Variants in EFCAB5 observed in about 807,000 individuals in gnomAD.
EFCAB5 encodes the protein EF-hand calcium binding domain 5.
A neutral mutation model predicts 167.9 loss-of-function variants in EFCAB5; 131 were observed. The observed-to-expected ratio is 0.78, with a 90% CI of 0.68 to 0.90. The LOEUF is 0.90. Ranked by LOEUF, EFCAB5 falls within the 40% of genes least tolerant of loss-of-function variation. EFCAB5 has a pLI of 0.00. For missense variants in EFCAB5, 1,663 were observed against 1,745.2 expected (o/e 0.95, Z 0.84); for synonymous variants, 574 against 602.8 (o/e 0.95, Z 0.70).
chr17:30,037,226 C>G (rs2069652222), intron 8 of EFCAB5, among the ~76,000 whole-genome samples: 1 of 152,088 alleles, frequency 6.6e-6, no homozygotes. Context: ...CTCCTGTGGC[C>G]AGAGGAAAGA....
chr17:29,968,390 G>C, intron 3 of EFCAB5: 2 of 446,990 alleles, frequency 4.5e-6, no homozygotes, highest in Non-Finnish European at 8.9e-6. Flanking sequence ...AAGTCTTAGA[G>C]TGGGGAGTCT....
intron 7 of EFCAB5, among the ~76,000 whole-genome samples, chr17:30,031,191 C>G (rs190735110): frequency 6.6e-6 from 1 of 152,218 alleles, no homozygotes; most frequent in Admixed American, 6.5e-5. Context: ...ACCAGATACC[C>G]CAGATCATGT....
intron 3 of EFCAB5, among the ~76,000 whole-genome samples, chr17:29,955,757 C>A (rs560528591): frequency 6.6e-6 from 1 of 151,614 alleles, no homozygotes; most frequent in Non-Finnish European, 1.5e-5. Flanking sequence ...TTTATAGATT[C>A]AATAAAATTC....
Position 30,107,916 on chromosome 17 carries a change from C to A in EFCAB5, c.4404C>A (p.Leu1468=). Residue 1468 remains leucine (L), a synonymous_variant, in exon 23 of 23, where the codon CTC becomes CTA. Coordinates refer to ENST00000394835, the MANE Select transcript of EFCAB5 (RefSeq NM_198529.4). ...LYHWIHICSA[L]MKITKQLNSG... Reference sequence around the variant, plus strand: ...ACTGGATACACATCTGTTCAGCTCTCATGAAGATAACCAAACAACTAAATA... The same window carrying A: ...ACTGGATACACATCTGTTCAGCTCTAATGAAGATAACCAAACAACTAAATA... 6.2e-7 allele frequency: 1 copy of A among 1,611,778 alleles called. No individual in the cohort carries two copies. The highest frequency in any genetic ancestry group is 1.1e-5 in the South Asian group (1 of 90,580).
chr17:29,991,047 C>T (rs2068404498), intron 4 of EFCAB5, among the ~76,000 whole-genome samples: 1 of 152,172 alleles, frequency 6.6e-6, no homozygotes, highest in Admixed American at 6.5e-5. Context: ...TTCCTTCCTC[C>T]TCATTATCAG....
chr17:30,017,523 G>A (rs2069075675), intron 7 of EFCAB5, among the ~76,000 whole-genome samples: 1 of 152,012 alleles, frequency 6.6e-6, no homozygotes, highest in Admixed American at 6.6e-5. Context: ...AAATATAATT[G>A]TACTTGACTC....
At chr17:29,989,456 C>T (rs531807124) in intron 4 of EFCAB5, among the ~76,000 whole-genome samples, 2 of 152,232 alleles carry the variant, frequency 1.3e-5, no homozygotes, top group South Asian at 2.1e-4. Context: ...CTTAGCAGGC[C>T]GCAGGTTGTT....
chr17:29,996,429 A>G (rs529751393), intron 6 of EFCAB5, 69 bp downstream of exon 6: 10 of 1,307,532 alleles, frequency 7.6e-6, no homozygotes, highest in Non-Finnish European at 1.1e-5. Context: ...CTGAATTCAG[A>G]TGAAGAGTCA....
At chr17:29,993,679 T>C (rs1287501487) in intron 5 of EFCAB5, among the ~76,000 whole-genome samples, 1 of 152,202 alleles carries the variant, frequency 6.6e-6, no homozygotes, top group East Asian at 1.9e-4. Context: ...AACTGTACTC[T>C]GAGAGTTAAA....
chr17:30,097,689 C>T (rs73987684), intron 22 of EFCAB5, among the ~76,000 whole-genome samples: 4,126 of 152,254 alleles, frequency 0.027, 168 homozygotes, highest in African/African-American at 0.094. Context: ...CATGATTTTG[C>T]CTATGCAAAT....
At chr17:30,041,096 G>A (rs2069757551) in intron 8 of EFCAB5, among the ~76,000 whole-genome samples, 1 of 152,112 alleles carries the variant, frequency 6.6e-6, no homozygotes, top group East Asian at 1.9e-4. Context: ...CTTTTCCTTT[G>A]TTTAGGTGTT....
intron 22 of EFCAB5, among the ~76,000 whole-genome samples, chr17:30,097,860 C>T (rs189633057): frequency 8.0e-4 from 121 of 152,190 alleles, no homozygotes; most frequent in Admixed American, 3.7e-3. Flanking sequence ...ACAGTTCTAT[C>T]AGGTAATTTA....
At chr17:30,045,688 C>A (rs955484535) in intron 8 of EFCAB5, among the ~76,000 whole-genome samples, 7 of 151,702 alleles carry the variant, frequency 4.6e-5, no homozygotes, top group African/African-American at 1.7e-4. Flanking sequence ...TGTAGTGAGA[C>A]CCCCTCTCTA....
chr17:30,001,451 A>G (rs916618789), intron 7 of EFCAB5, among the ~76,000 whole-genome samples: 5 of 152,194 alleles, frequency 3.3e-5, no homozygotes, highest in African/African-American at 4.8e-5. Context: ...GTTTCCCTAA[A>G]AGTACGCAAG....
At chr17:30,063,605 C>G (rs540886467) in intron 14 of EFCAB5, among the ~76,000 whole-genome samples, 17 of 152,262 alleles carry the variant, frequency 1.1e-4, no homozygotes, top group Non-Finnish European at 2.2e-4. Flanking sequence ...GAAAGCAAAC[C>G]TGCACCCCAA....
At chr17:29,940,989 G>A (rs920690686), upstream of EFCAB5, among the ~76,000 whole-genome samples, 2 of 151,758 alleles carry the variant, frequency 1.3e-5, no homozygotes, top group African/African-American at 2.4e-5. Context: ...GCAGTGAGCC[G>A]AGATTGCACC....
chr17:30,097,982 T>G (rs911176739), intron 22 of EFCAB5, among the ~76,000 whole-genome samples: 4 of 152,138 alleles, frequency 2.6e-5, no homozygotes, highest in African/African-American at 9.6e-5. Context: ...TCACTCAGGC[T>G]GGAGTGCAGT....
In EFCAB5 at chr17:30,078,250, G is replaced by A. The variant is rs1294233927; in HGVS notation, c.2773G>A (p.Gly925Ser). The A allele has an allele frequency of 1.2e-6, 2 of 1,613,642 alleles. No homozygotes were observed. Among genetic ancestry groups the A allele is most frequent in the Non-Finnish European group, 1.7e-6 (2 of 1,179,740 alleles). ...LHIQFPKPHP[G>S]HEVRLSSKQF... The stretch of plus-strand genomic sequence containing the variant: ...CATCCAATTTCCAAAGCCACACCCT[G>A]GTCACGAAGTGAGATTGTCTTCAAA... Residue 925 changes from glycine (G) to serine (S), a missense_variant, in exon 15 of 23, where the codon GGT becomes AGT. By Grantham distance (56) the Gly-to-Ser change is moderately conservative (BLOSUM62 0). Transcript: ENST00000394835.
At position 30,053,715 on chromosome 17, in the gene EFCAB5, A is replaced by G. The variant is rs1389362804; in HGVS notation, c.1761A>G (p.Gly587=). Residue 587 remains glycine (G), a synonymous_variant, in exon 10 of 23, where the codon GGA becomes GGG. Coordinates refer to ENST00000394835, the MANE Select transcript of EFCAB5 (RefSeq NM_198529.4). ...GQHKGSIEGQ[G]PRRVSVSEQG... is the part of the protein sequence containing the mutation. ...ACAAAGGGTCAATAGAAGGACAAGG[A>G]CCACGCAGAGTGTCAGTTTCAGAAC... 6.2e-7 allele frequency: 1 copy of G among 1,614,002 alleles called. No homozygotes were observed. The highest frequency in any genetic ancestry group is 8.5e-7 in the Non-Finnish European group (1 of 1,179,876).
Sources: gnomAD v4.1 joint callset for allele counts (sites outside exome capture counted in the v4.1 genomes callset) on GRCh38, gnomAD v4.1.1 for gene constraint, MANE v1.5 for transcripts, NCBI Gene and HGNC (gene_info 2026-07-23, HGNC 2026-07-21) for gene names.